Variants in FXYD6 observed in about 807,000 individuals in gnomAD.
FXYD6 encodes the protein FXYD domain containing ion transport regulator 6.
FXYD6 carries 7 observed loss-of-function variants against 16.7 expected under a neutral mutation model. The observed-to-expected ratio is 0.42, with a 90% CI of 0.24 to 0.79. The LOEUF (loss-of-function observed/expected upper bound fraction) is 0.79. Among genes scored for constraint, FXYD6 ranks in the 30% least tolerant of loss-of-function variants. The pLI, the probability that FXYD6 is intolerant of heterozygous loss-of-function variation, is 0.28. For synonymous variants in FXYD6, 49 were observed against 43.0 expected (o/e 1.14, Z -0.54); for missense variants, 111 against 116.2 (o/e 0.95, Z 0.21).
chr11:117,849,913 C>T (rs1163889289), intron 1 of FXYD6, among the ~76,000 whole-genome samples: 2 of 152,060 alleles, frequency 1.3e-5, no homozygotes. Flanking sequence ...ATGAGACCAC[C>T]CACCCTTCAA....
At position 117,837,277 on chromosome 11, in the gene FXYD6, T is replaced by C. The variant is rs1221935222; in HGVS notation, c.*1022A>G. The C allele has an allele frequency of 6.6e-6, 1 of 152,174 alleles. No individual in the cohort carries two copies. The highest frequency in any genetic ancestry group is 2.1e-4 in the South Asian group (1 of 4,820). The allele number at this position is 152,174 out of a possible 1,614,324, so 9.4% of individuals were successfully genotyped here. On this transcript the variant is annotated 3_prime_UTR_variant, in exon 8 of 8. Coordinates refer to ENST00000526014, the MANE Select transcript of FXYD6 (RefSeq NM_022003.4). This position sits in a 1 kb window ranked among gnomAD's most constrained non-coding sequence, Gnocchi z 4.4. ...CCTCTGCTGCCCATCTAAGGGGACG[T>C]AGGCAGAGAAGCAAAGGCCTCTGCT...
At chr11:117,839,474 C>T in intron 7 of FXYD6, 1 of 410,620 alleles carries the variant, frequency 2.4e-6, no homozygotes, top group African/African-American at 2.0e-5. Context: ...AGATTAGGAG[C>T]ATTTCACTAA....
intron 6 of FXYD6, 177 bp from the exon 7 acceptor site, chr11:117,840,007 C>G: frequency 1.3e-6 from 1 of 768,760 alleles, no homozygotes; most frequent in Non-Finnish European, 2.2e-6. Flanking sequence ...CTTACAGGAA[C>G]CTGGTAACCT....
intron 4 of FXYD6, 50 bp downstream of exon 4, chr11:117,841,741 A>C: frequency 6.2e-7 from 1 of 1,607,942 alleles, no homozygotes. Flanking sequence ...CCACCTGCTT[A>C]GCAGCCTCAG....
rs116185716 is a variant in FXYD6, at chr11:117,854,437, A to C, written c.-5-11656T>G. Among the ~76,000 whole-genome samples the C allele has an allele frequency of 3.5e-3, 526 of 152,350 alleles. 7 individuals carry two copies. The highest frequency in any genetic ancestry group is 0.012 in the African/African-American group (502 of 41,580). The stretch of plus-strand genomic sequence containing the variant: ...CTGCTGTGCCTTCCCTTCAAACCCC[A>C]ACAATCACCTCCATTGATGCTCAGG... On this transcript the variant is annotated intron_variant, in intron 1 of 7. Coordinates refer to ENST00000526014, the MANE Select transcript of FXYD6 (RefSeq NM_022003.4).
chr11:117,841,237 G>A (rs1330940473), intron 4 of FXYD6, 53 bp from the exon 5 acceptor site: 43 of 1,613,308 alleles, frequency 2.7e-5, no homozygotes, highest in Non-Finnish European at 3.6e-5. Flanking sequence ...GCCACAGCAG[G>A]GCCAAGGGTC....
At chr11:117,844,540 G>A (rs2056430228) in intron 1 of FXYD6, among the ~76,000 whole-genome samples, 1 of 151,974 alleles carries the variant, frequency 6.6e-6, no homozygotes, top group South Asian at 2.1e-4. Flanking sequence ...TGTCGCCCAG[G>A]CTAGAATGCA....
intron 1 of FXYD6, among the ~76,000 whole-genome samples, chr11:117,857,303 G>C (rs1028029471): frequency 1.3e-5 from 2 of 152,208 alleles, no homozygotes; most frequent in African/African-American, 4.8e-5. Context: ...TGAGTTTAGT[G>C]CAGGTGGCTA....
intron 1 of FXYD6, among the ~76,000 whole-genome samples, chr11:117,854,341 C>A (rs2134166111): frequency 6.6e-6 from 1 of 152,276 alleles, no homozygotes; most frequent in East Asian, 1.9e-4. Flanking sequence ...CTCTTCCTGC[C>A]CCCTGGGAAT....
chr11:117,852,144 C>A (rs1351485695), intron 1 of FXYD6, among the ~76,000 whole-genome samples: 1 of 152,238 alleles, frequency 6.6e-6, no homozygotes, highest in Non-Finnish European at 1.5e-5. Flanking sequence ...GAGATGAATA[C>A]TGCCAGCAAC....
chr11:117,860,810 C>T (rs983296322), intron 1 of FXYD6, among the ~76,000 whole-genome samples: 1 of 152,210 alleles, frequency 6.6e-6, no homozygotes, highest in Non-Finnish European at 1.5e-5. Context: ...AAGTGTTGTT[C>T]TAAATAGTTA....
rs1160252533 is a variant in FXYD6 at position 117,858,652 on chromosome 11, TTTCTTTCTTTCTTTCTTTC to T, written c.-5-15890_-5-15872del. ...TCTTTTTTCTTTCTTTCTTTCTTTC[TTTCTTTCTTTCTTTCTTTC>T]TTTCTTTCTTTCTTTCTTTCTTTCT... On this transcript the variant is annotated intron_variant, in intron 1 of 7. Transcript: ENST00000526014. Among the ~76,000 whole-genome samples the T allele has an allele frequency of 1.7e-3, 117 of 69,986 alleles. 2 individuals are homozygous for T. The South Asian group carries it at 0.072, about 43-fold the overall frequency. 45.9% of individuals were successfully genotyped at this position (69,986 alleles called of 152,430 possible).
chr11:117,856,986 G>A (rs1219773702), intron 1 of FXYD6, among the ~76,000 whole-genome samples: 2 of 151,094 alleles, frequency 1.3e-5, no homozygotes, highest in Non-Finnish European at 3.0e-5. Context: ...ACAGAGGGAA[G>A]GAAGGCTGAG....
chr11:117,856,714 A>T (rs1230274214), intron 1 of FXYD6, among the ~76,000 whole-genome samples: 1 of 152,178 alleles, frequency 6.6e-6, no homozygotes, highest in Non-Finnish European at 1.5e-5. Context: ...TCGACTGTGT[A>T]TATATTGAGT....
chr11:117,844,769 G>A (rs2056435699), intron 1 of FXYD6, among the ~76,000 whole-genome samples: 1 of 152,186 alleles, frequency 6.6e-6, no homozygotes, highest in Admixed American at 6.5e-5. Context: ...GGAATTACAG[G>A]CGTGAGCCAC....
chr11:117,856,489 G>A (rs893775715), intron 1 of FXYD6, among the ~76,000 whole-genome samples: 27 of 152,110 alleles, frequency 1.8e-4, no homozygotes, highest in African/African-American at 5.6e-4. Flanking sequence ...AGGGGTCACC[G>A]GGCCTGGGTC....
intron 1 of FXYD6, among the ~76,000 whole-genome samples, chr11:117,851,898 A>C (rs2056618009): frequency 6.6e-6 from 1 of 152,238 alleles, no homozygotes; most frequent in African/African-American, 2.4e-5. Context: ...AATGTGGCAA[A>C]AGTGGCAAAA....
chr11:117,843,031 T>C (rs1325943794), intron 1 of FXYD6, among the ~76,000 whole-genome samples: 1 of 152,164 alleles, frequency 6.6e-6, no homozygotes, highest in African/African-American at 2.4e-5. Context: ...CCTCCCAGGT[T>C]CAAGTGATTC....
chr11:117,858,498 C>T (rs1225870052), intron 1 of FXYD6, among the ~76,000 whole-genome samples: 1 of 152,260 alleles, frequency 6.6e-6, no homozygotes, highest in African/African-American at 2.4e-5. Context: ...GGACCACACT[C>T]AGCCTCACAC....
Sources: gnomAD v4.1 joint callset for allele counts (sites outside exome capture counted in the v4.1 genomes callset) on GRCh38, gnomAD v4.1.1 for gene constraint, Gnocchi (gnomAD v3.1) non-coding constraint, MANE v1.5 for transcripts, NCBI Gene and HGNC (gene_info 2026-07-23, HGNC 2026-07-21) for gene names.